Variants in CTNNA3 observed in about 807,000 individuals in gnomAD.
The protein encoded by CTNNA3 is catenin alpha 3.
In CTNNA3, 76 loss-of-function variants were observed where a neutral mutation model predicts 95.7. That is an observed-to-expected ratio of 0.79 (90% CI 0.66 to 0.96). CTNNA3 has a LOEUF of 0.96. Ranked by LOEUF, CTNNA3 falls within the 40% of genes least tolerant of loss-of-function variation. The pLI, the probability that CTNNA3 is intolerant of heterozygous loss-of-function variation, is 0.00. For missense variants in CTNNA3, 1,191 were observed against 1,089.8 expected (o/e 1.09, Z -1.31); for synonymous variants, 431 against 374.4 (o/e 1.15, Z -1.74).
At chr10:66,899,301 A>G (rs1391485666) in intron 7 of CTNNA3, among the ~76,000 whole-genome samples, 1 of 152,206 alleles carries the variant, frequency 6.6e-6, no homozygotes, top group Non-Finnish European at 1.5e-5. Context: ...AACAGTATGG[A>G]GTTTCCTCAA....
intron 7 of CTNNA3, among the ~76,000 whole-genome samples, chr10:66,918,951 C>T (rs1176490652): frequency 2.6e-5 from 4 of 151,594 alleles, no homozygotes; most frequent in Non-Finnish European, 4.4e-5. Flanking sequence ...CTGGCTAACA[C>T]GGTGAAACCC....
intron 5 of CTNNA3, among the ~76,000 whole-genome samples, chr10:67,375,992 C>G (rs960628613): frequency 6.6e-5 from 10 of 152,128 alleles, no homozygotes; most frequent in South Asian, 4.1e-4. Flanking sequence ...CATTTACCTT[C>G]TACCTTGAGA....
At chr10:66,138,375 G>A (rs920652120) in intron 13 of CTNNA3, among the ~76,000 whole-genome samples, 1 of 151,958 alleles carries the variant, frequency 6.6e-6, no homozygotes. Flanking sequence ...ACTATCTTTG[G>A]GCAATGATAT....
At chr10:67,024,255 G>C (rs1853209531) in intron 7 of CTNNA3, among the ~76,000 whole-genome samples, 1 of 152,162 alleles carries the variant, frequency 6.6e-6, no homozygotes, top group African/African-American at 2.4e-5. Context: ...CTCTCTAGCT[G>C]CTTCAGTCAT....
chr10:66,237,496 G>GC (rs2089911952), intron 13 of CTNNA3, among the ~76,000 whole-genome samples: 1 of 6,396 alleles, frequency 1.6e-4, no homozygotes, highest in Admixed American at 3.0e-3. Flanking sequence ...GCAATTTGAA[G>GC]CATGATTGGC....
intron 13 of CTNNA3, among the ~76,000 whole-genome samples, chr10:66,174,240 C>T (rs911512008): frequency 6.6e-6 from 1 of 151,962 alleles, no homozygotes; most frequent in African/African-American, 2.4e-5. Flanking sequence ...TAATACTATG[C>T]AAATATTTTA....
chr10:67,405,135 A>G (rs1369113950), intron 5 of CTNNA3, among the ~76,000 whole-genome samples: 1 of 152,306 alleles, frequency 6.6e-6, no homozygotes, highest in Middle Eastern at 3.4e-3. Flanking sequence ...GTGACATTAT[A>G]AAGCAACTAC....
chr10:65,944,865 T>TATC (rs926514504), intron 17 of CTNNA3, among the ~76,000 whole-genome samples: 3 of 111,948 alleles, frequency 2.7e-5, no homozygotes, highest in Non-Finnish European at 6.5e-5. Flanking sequence ...TCTATCTATC[T>TATC]ATCTATCTAT....
chr10:66,299,524 A>G (rs2091830704), intron 12 of CTNNA3, among the ~76,000 whole-genome samples: 1 of 152,206 alleles, frequency 6.6e-6, no homozygotes. Flanking sequence ...AAAAGAGAGG[A>G]TGAAAAGTCT....
At chr10:66,242,038 C>T (rs900415958) in intron 13 of CTNNA3, among the ~76,000 whole-genome samples, 15 of 151,856 alleles carry the variant, frequency 9.9e-5, no homozygotes, top group Admixed American at 8.5e-4. Context: ...AATTTAATCC[C>T]CAATGTGGCA....
At chr10:66,238,976 A>T (rs1000326384) in intron 13 of CTNNA3, among the ~76,000 whole-genome samples, 6 of 151,884 alleles carry the variant, frequency 4.0e-5, no homozygotes, top group African/African-American at 1.4e-4. Context: ...GAATCAACAA[A>T]GAAACTCTAA....
chr10:67,069,707 C>A (rs558171905), intron 7 of CTNNA3, among the ~76,000 whole-genome samples: 327 of 152,054 alleles, frequency 2.2e-3, no homozygotes, highest in African/African-American at 7.3e-3. Flanking sequence ...TGTTGTGTCT[C>A]ACTCAACATT....
chr10:66,685,283 A>ATGT (rs1564617267), intron 9 of CTNNA3, among the ~76,000 whole-genome samples: 5 of 27,428 alleles, frequency 1.8e-4, no homozygotes, highest in African/African-American at 4.6e-4. Flanking sequence ...ACGTATATAT[A>ATGT]AGTATATATA....
intron 6 of CTNNA3, among the ~76,000 whole-genome samples, chr10:67,204,128 G>T (rs915727433): frequency 6.6e-6 from 1 of 150,640 alleles, no homozygotes; most frequent in Non-Finnish European, 1.5e-5. Flanking sequence ...AGACCTAAAA[G>T]TATTTTTTTC....
intron 12 of CTNNA3, among the ~76,000 whole-genome samples, chr10:66,334,804 C>T (rs923999937): frequency 1.3e-5 from 2 of 152,086 alleles, no homozygotes; most frequent in Non-Finnish European, 2.9e-5. Context: ...GGGAAGTTCT[C>T]CTGGATAATA....
intron 7 of CTNNA3, among the ~76,000 whole-genome samples, chr10:66,955,603 T>C (rs1261309772): frequency 2.6e-5 from 4 of 152,112 alleles, no homozygotes; most frequent in Admixed American, 6.6e-5. Flanking sequence ...ACTCAATAAA[T>C]GTTGGATGAA....
intron 7 of CTNNA3, among the ~76,000 whole-genome samples, chr10:66,863,367 A>G (rs1203746518): frequency 6.6e-6 from 1 of 152,124 alleles, no homozygotes; most frequent in Admixed American, 6.6e-5. Flanking sequence ...GTCAGACTGC[A>G]GTGGGATGGG....
At chr10:66,258,945 C>A (rs2090893984) in intron 13 of CTNNA3, among the ~76,000 whole-genome samples, 2 of 152,160 alleles carry the variant, frequency 1.3e-5, no homozygotes, top group Admixed American at 1.3e-4. Flanking sequence ...TTCAAACAAG[C>A]CACATGGCTA....
At chr10:67,549,030 A>T (rs566731515) in intron 3 of CTNNA3, among the ~76,000 whole-genome samples, 3 of 152,310 alleles carry the variant, frequency 2.0e-5, no homozygotes, top group African/African-American at 7.2e-5. Context: ...TATAATCTAA[A>T]TTATTAAAGC....
Sources: allele counts gnomAD v4.1 joint callset (sites outside exome capture counted in the v4.1 genomes callset), GRCh38; gene constraint gnomAD v4.1.1; transcripts MANE v1.5; gene names NCBI Gene and HGNC (gene_info 2026-07-23, HGNC 2026-07-21).